Variants in FAR2 observed in about 807,000 individuals in gnomAD.
FAR2 encodes fatty acyl-CoA reductase 2, also known as epididymis secretory protein Li 81.
FAR2 carries 19 observed loss-of-function variants against 56.0 expected under a neutral mutation model. The observed-to-expected ratio is 0.34, with a 90% CI of 0.24 to 0.50. The LOEUF is 0.50. Ranked by LOEUF, FAR2 falls within the 20% of genes least tolerant of loss-of-function variation. The pLI, the probability that FAR2 is intolerant of heterozygous loss-of-function variation, is 0.98. For synonymous variants in FAR2, 219 were observed against 218.8 expected (o/e 1.00, Z -0.01); for missense variants, 508 against 642.2 (o/e 0.79, Z 2.26).
intron 1 of FAR2, among the ~76,000 whole-genome samples, chr12:29,207,741 A>C (rs1421147701): frequency 6.6e-6 from 1 of 152,208 alleles, no homozygotes; most frequent in Non-Finnish European, 1.5e-5. Context: ...TGTGAAGAGG[A>C]CTGCCTAACT....
Position 29,157,106 on chromosome 12 carries a change from TTATATATATATATATATATATA to T in FAR2, c.-39+7717_-39+7738del, listed in dbSNP as rs5797307. 30 of 73,450 alleles carry T rather than the reference TTATATATATATATATATATATA, an allele frequency of 4.1e-4. 1 individual carries two copies. The highest frequency in any genetic ancestry group is 1.3e-3 in the South Asian group (2 of 1,584). 4.5% of individuals were successfully genotyped at this position (73,450 alleles called of 1,614,324 possible). On this transcript the variant is annotated intron_variant, in intron 1 of 11. Coordinates refer to ENST00000536681, the MANE Select transcript of FAR2 (RefSeq NM_001271783.2). ...CACCAGTATTAAAGCAAAGAACATTTTATATATATATATATATATATATATATATATATATATATGTATCAAT... is the reference window on the plus strand; with the variant it reads ...CACCAGTATTAAAGCAAAGAACATTTTATATATATATATATATGTATCAAT...
At chr12:29,269,448 C>T (rs1309560748) in intron 1 of FAR2, among the ~76,000 whole-genome samples, 1 of 152,134 alleles carries the variant, frequency 6.6e-6, no homozygotes, top group African/African-American at 2.4e-5. Context: ...CTCAAACACA[C>T]ATGCTGTACA....
chr12:29,263,214 A>G (rs866627491), intron 1 of FAR2, among the ~76,000 whole-genome samples: 2 of 152,260 alleles, frequency 1.3e-5, no homozygotes, highest in Non-Finnish European at 1.5e-5. Flanking sequence ...AGGCTTCAAC[A>G]CCCCACCTTC....
chr12:29,309,474 A>T (rs567645040), intron 6 of FAR2, among the ~76,000 whole-genome samples: 1 of 152,288 alleles, frequency 6.6e-6, no homozygotes, highest in African/African-American at 2.4e-5. Flanking sequence ...TTTATTTTTG[A>T]AGTCTTTGAG....
chr12:29,191,836 G>A lies in FAR2; in HGVS notation c.-39+42429G>A, dbSNP rs113050813. Among the ~76,000 whole-genome samples the A allele has an allele frequency of 1.9e-3, 289 of 152,318 alleles. 2 individuals are homozygous for A. The highest frequency in any genetic ancestry group is 6.8e-3 in the African/African-American group (283 of 41,568). The stretch of plus-strand genomic sequence containing the variant: ...CTAAAAATTGTTTAAGAAGGAGAAT[G>A]AAGAAAGCTTGATTCCTTTCAAAAT... On this transcript the variant is annotated intron_variant, in intron 1 of 11. Coordinates refer to ENST00000536681, the MANE Select transcript of FAR2 (RefSeq NM_001271783.2).
At chr12:29,312,406 A>C (rs1949368756) in intron 8 of FAR2, among the ~76,000 whole-genome samples, 1 of 152,162 alleles carries the variant, frequency 6.6e-6, no homozygotes, top group Non-Finnish European at 1.5e-5. Context: ...CATACTGATC[A>C]TTAATTTATG....
chr12:29,316,527 G>T (rs1017669083), intron 8 of FAR2, among the ~76,000 whole-genome samples: 2 of 152,154 alleles, frequency 1.3e-5, no homozygotes, highest in African/African-American at 2.4e-5. Context: ...TAGACTGGAT[G>T]ACCTTAGAAT....
intron 2 of FAR2, among the ~76,000 whole-genome samples, chr12:29,291,868 T>A (rs950999619): frequency 6.6e-6 from 1 of 152,230 alleles, no homozygotes; most frequent in African/African-American, 2.4e-5. Flanking sequence ...AATGGAATCC[T>A]CATTTAGTAC....
At chr12:29,270,279 C>A in intron 1 of FAR2, 133 bp from the exon 2 acceptor site, 1 of 568,418 alleles carries the variant, frequency 1.8e-6, no homozygotes, top group South Asian at 3.2e-5. Context: ...TGCTTAAAAG[C>A]CACGATGCTC....
chr12:29,219,707 T>TA (rs1947663738), intron 1 of FAR2, among the ~76,000 whole-genome samples: 1 of 152,214 alleles, frequency 6.6e-6, no homozygotes, highest in South Asian at 2.1e-4. Flanking sequence ...GTTACATACA[T>TA]ATAAGTCATT....
At position 29,173,315 on chromosome 12, in the gene FAR2, C is replaced by A. The variant is rs755377029; in HGVS notation, c.-39+23908C>A. On this transcript the variant is annotated intron_variant, in intron 1 of 11. Transcript: ENST00000536681. Reference sequence around the variant, plus strand: ...TGGAGATTTCCTTGCTTGTTTCCTTCTGGCCAGGGGAGATTAGAGGAGGCT... The same window carrying A: ...TGGAGATTTCCTTGCTTGTTTCCTTATGGCCAGGGGAGATTAGAGGAGGCT... Among the ~76,000 whole-genome samples, 80 of 152,106 alleles carry A rather than the reference C, an allele frequency of 5.3e-4. 1 individual carries two copies. The highest frequency in any genetic ancestry group is 2.6e-4 in the Admixed American group (4 of 15,274).
At chr12:29,326,117 T>G (rs1415619489) in intron 10 of FAR2, among the ~76,000 whole-genome samples, 1 of 152,010 alleles carries the variant, frequency 6.6e-6, no homozygotes, top group Middle Eastern at 3.2e-3. Context: ...GAGAATACTA[T>G]AAACACCTCT....
At chr12:29,202,235 A>G (rs982132887) in intron 1 of FAR2, among the ~76,000 whole-genome samples, 21 of 152,302 alleles carry the variant, frequency 1.4e-4, no homozygotes, top group Non-Finnish European at 5.9e-5. Context: ...ACTCACATCT[A>G]TCTGGTCCAA....
Position 29,178,643 on chromosome 12 carries a change from G to A in FAR2, c.-39+29236G>A, listed in dbSNP as rs895979046. Among the ~76,000 whole-genome samples the A allele has an allele frequency of 8.9e-4, 135 of 152,280 alleles. 1 individual carries two copies. Among genetic ancestry groups the A allele is most frequent in the African/African-American group, 2.9e-3 (121 of 41,554 alleles). On this transcript the variant is annotated intron_variant, in intron 1 of 11. Transcript: ENST00000536681. The stretch of plus-strand genomic sequence containing the variant: ...TTTTTTTCAAAAAGGGGCCCAGGAC[G>A]GGGGACAGCCTTGTTTTTCTAATAT...
intron 1 of FAR2, among the ~76,000 whole-genome samples, chr12:29,206,313 T>C (rs1253743751): frequency 1.3e-5 from 2 of 152,244 alleles, no homozygotes; most frequent in African/African-American, 2.4e-5. Flanking sequence ...GCCAGTATAT[T>C]CCAAAGGTGA....
intron 1 of FAR2, among the ~76,000 whole-genome samples, chr12:29,247,347 C>T (rs1479079251): frequency 6.6e-6 from 1 of 152,174 alleles, no homozygotes. Flanking sequence ...TAATCATTGA[C>T]ATTAACAAAT....
At chr12:29,179,879 T>C (rs773081457) in intron 1 of FAR2, among the ~76,000 whole-genome samples, 1 of 152,160 alleles carries the variant, frequency 6.6e-6, no homozygotes, top group African/African-American at 2.4e-5. Context: ...TATAAAACTC[T>C]TCTATGACTA....
At chr12:29,269,474 G>A (rs919588303) in intron 1 of FAR2, among the ~76,000 whole-genome samples, 56 of 152,050 alleles carry the variant, frequency 3.7e-4, no homozygotes, top group Non-Finnish European at 1.0e-4. Context: ...TGCAGTTAAT[G>A]CAATTATTAC....
intron 1 of FAR2, among the ~76,000 whole-genome samples, chr12:29,194,541 A>G (rs1950129585): frequency 6.6e-6 from 1 of 151,550 alleles, no homozygotes; most frequent in African/African-American, 2.4e-5. Context: ...ACACACACAC[A>G]CACACACACA....
Sources: gnomAD v4.1 joint callset for allele counts (sites outside exome capture counted in the v4.1 genomes callset) on GRCh38, gnomAD v4.1.1 for gene constraint, MANE v1.5 for transcripts, NCBI Gene and HGNC (gene_info 2026-07-23, HGNC 2026-07-21) for gene names.